PRKCH: variants seen among roughly 807,000 people sequenced by gnomAD.
PRKCH encodes the protein protein kinase C eta.
Under a neutral mutation model 82.5 loss-of-function variants are expected in PRKCH, and 28 were observed. The ratio of observed to expected loss-of-function variants is 0.34; its 90% CI spans 0.25 to 0.47. The LOEUF (loss-of-function observed/expected upper bound fraction) is 0.47, where lower values mean the gene tolerates loss of function less well. Ranked by LOEUF, PRKCH falls within the 20% of genes least tolerant of loss-of-function variation. The pLI is 1.00. For synonymous variants in PRKCH, 322 were observed against 327.4 expected, an observed-to-expected ratio of 0.98 and a Z score of 0.18; for missense variants, 705 against 881.8, an observed-to-expected ratio of 0.80 and a Z score of 2.54.
At chr14:61,533,828 T>A (rs558770996) in intron 12 of PRKCH, among the ~76,000 whole-genome samples, 1 of 152,318 alleles carries the variant, frequency 6.6e-6, no homozygotes, top group South Asian at 2.1e-4. Flanking sequence ...CATGAAATGA[T>A]TTTTTTACAC....
intron 1 of PRKCH, among the ~76,000 whole-genome samples, chr14:61,203,579 G>T (rs548310543): frequency 6.6e-6 from 1 of 152,282 alleles, no homozygotes; most frequent in South Asian, 2.1e-4. Flanking sequence ...GACTCCCAAG[G>T]TTGGCATTGG....
chr14:61,462,774 G>T (rs180915705), intron 9 of PRKCH, among the ~76,000 whole-genome samples: 62 of 151,970 alleles, frequency 4.1e-4, no homozygotes, highest in African/African-American at 1.2e-3. Context: ...GGGTGTTGGA[G>T]CCACTCTACC....
At chr14:61,525,205 C>A (rs1286376415) in intron 10 of PRKCH, 1 of 152,224 alleles carries the variant, frequency 6.6e-6, no homozygotes, top group Non-Finnish European at 1.5e-5. Flanking sequence ...CTGGGGACAT[C>A]AGGACAGACT....
intron 1 of PRKCH, among the ~76,000 whole-genome samples, chr14:61,238,404 T>C (rs1192770680): frequency 6.6e-6 from 1 of 152,202 alleles, no homozygotes; most frequent in Non-Finnish European, 1.5e-5. Flanking sequence ...CAATTTTAGA[T>C]CATTTTTCTC....
chr14:61,274,391 G>T (rs1265241067), intron 1 of PRKCH, among the ~76,000 whole-genome samples: 1 of 152,216 alleles, frequency 6.6e-6, no homozygotes, highest in African/African-American at 2.4e-5. Context: ...AGACAGGAGT[G>T]ATTTTGCATT....
chr14:61,475,061 G>A (rs1214130259), intron 9 of PRKCH, among the ~76,000 whole-genome samples: 1 of 152,150 alleles, frequency 6.6e-6, no homozygotes, highest in African/African-American at 2.4e-5. Flanking sequence ...TTCATACATA[G>A]ATCAGAGGGA....
chr14:61,207,076 A>G (rs1048977620), intron 1 of PRKCH, among the ~76,000 whole-genome samples: 2 of 134,104 alleles, frequency 1.5e-5, no homozygotes, highest in African/African-American at 2.9e-5. Context: ...ATTGCACTCC[A>G]GCCTGGGCAA....
chr14:61,333,253 A>C (rs1269270529), intron 1 of PRKCH, among the ~76,000 whole-genome samples: 1 of 152,058 alleles, frequency 6.6e-6, no homozygotes, highest in Non-Finnish European at 1.5e-5. Flanking sequence ...AGATGATGAG[A>C]GCTATGGAGC....
At chr14:61,311,173 C>T (rs1833725622) in intron 1 of PRKCH, among the ~76,000 whole-genome samples, 1 of 152,260 alleles carries the variant, frequency 6.6e-6, no homozygotes, top group African/African-American at 2.4e-5. Flanking sequence ...TGGCAATTAA[C>T]ATTTGGCTCC....
intron 1 of PRKCH, among the ~76,000 whole-genome samples, chr14:61,315,953 G>T (rs774846235): frequency 2.0e-5 from 3 of 151,962 alleles, no homozygotes; most frequent in Non-Finnish European, 2.9e-5. Flanking sequence ...TCATCATGTT[G>T]GTCAGGCTGG....
At chr14:61,449,843 T>C (rs1884400732) in intron 5 of PRKCH, among the ~76,000 whole-genome samples, 1 of 151,456 alleles carries the variant, frequency 6.6e-6, no homozygotes. Flanking sequence ...TCTTAAGAAA[T>C]TTCAGGGAAG....
At chr14:61,370,229 C>T (rs1296595017) in intron 1 of PRKCH, among the ~76,000 whole-genome samples, 1 of 152,146 alleles carries the variant, frequency 6.6e-6, no homozygotes, top group Admixed American at 6.5e-5. Context: ...AGGCGTGAGC[C>T]ACCGCACCCG....
intron 10 of PRKCH, among the ~76,000 whole-genome samples, chr14:61,495,415 T>G (rs567780962): frequency 6.6e-6 from 1 of 152,340 alleles, no homozygotes; most frequent in African/African-American, 2.4e-5. Flanking sequence ...TCCCACCAAA[T>G]TGACCAAGCA....
At position 61,322,326 on chromosome 14, in the gene PRKCH, C is replaced by T. The variant is rs2045637243; in HGVS notation, c.225C>T (p.Asn75=). 3 of 1,613,402 alleles carry T rather than the reference C, an allele frequency of 1.9e-6. No individual in the cohort carries two copies. The highest frequency in any genetic ancestry group is 2.7e-5 in the African/African-American group (2 of 74,874). ...CGTACAACGAGGAGTTTTGCGCTAACGTCACCGACGGCGGCCACCTCGAGT... is the reference window on the plus strand; with the variant it reads ...CGTACAACGAGGAGTTTTGCGCTAATGTCACCGACGGCGGCCACCTCGAGT... ...KPTYNEEFCA[N]VTDGGHLELA... Residue 75 remains asparagine, a synonymous_variant, in exon 1 of 14, where the codon AAC becomes AAT. Coordinates refer to ENST00000332981, the MANE Select transcript of PRKCH (RefSeq NM_006255.5).
At chr14:61,207,390 C>G (rs2044535158) in intron 1 of PRKCH, among the ~76,000 whole-genome samples, 1 of 152,118 alleles carries the variant, frequency 6.6e-6, no homozygotes. Flanking sequence ...TTGGCACACC[C>G]CAATACATTC....
chr14:61,393,797 G>A (rs556445463), intron 2 of PRKCH, among the ~76,000 whole-genome samples: 2 of 152,300 alleles, frequency 1.3e-5, no homozygotes, highest in Admixed American at 6.5e-5. Flanking sequence ...TCCATATTGA[G>A]TTCTATTTAC....
intron 1 of PRKCH, among the ~76,000 whole-genome samples, chr14:61,337,967 G>A (rs2045880288): frequency 1.3e-5 from 2 of 152,216 alleles, no homozygotes; most frequent in African/African-American, 4.8e-5. Context: ...GTTGTGCCAA[G>A]AATATATTGT....
intron 1 of PRKCH, among the ~76,000 whole-genome samples, chr14:61,340,578 A>C (rs1041002248): frequency 6.6e-6 from 1 of 151,918 alleles, no homozygotes; most frequent in Non-Finnish European, 1.5e-5. Flanking sequence ...ACCACTTTAT[A>C]CTCCGTCTCC....
intron 1 of PRKCH, among the ~76,000 whole-genome samples, chr14:61,386,552 C>T (rs768192813): frequency 5.3e-5 from 8 of 151,992 alleles, no homozygotes; most frequent in Non-Finnish European, 1.2e-4. Context: ...GCGTGGCCTA[C>T]TGGGTAAATA....
Sources: gnomAD v4.1 joint callset for allele counts (sites outside exome capture counted in the v4.1 genomes callset) on GRCh38, gnomAD v4.1.1 for gene constraint, MANE v1.5 for transcripts, NCBI Gene and HGNC (gene_info 2026-07-23, HGNC 2026-07-21) for gene names.